SMAD3: variants seen among roughly 807,000 people sequenced by gnomAD.
SMAD3 encodes the protein SMAD family member 3, also known as MAD homolog 3.
SMAD3 carries 12 observed loss-of-function variants against 51.8 expected under a neutral mutation model. The observed-to-expected ratio is 0.23, with a 90% CI of 0.15 to 0.38. The LOEUF (loss-of-function observed/expected upper bound fraction) is 0.38, where lower values mean the gene tolerates loss of function less well. Ranked by LOEUF, SMAD3 falls within the 10% of genes least tolerant of loss-of-function variation. SMAD3 has a pLI of 1.00. For synonymous variants in SMAD3, 238 were observed against 227.7 expected (o/e 1.05, Z -0.41); for missense variants, 294 against 565.6 (o/e 0.52, Z 4.87).
At chr15:67,171,490 T>G (rs1962750958) in intron 5 of SMAD3, among the ~76,000 whole-genome samples, 1 of 152,234 alleles carries the variant, frequency 6.6e-6, no homozygotes, top group Non-Finnish European at 1.5e-5. Flanking sequence ...TATATTCTGG[T>G]CTGGTAGTTT....
chr15:67,075,226 G>A (rs769731086), intron 1 of SMAD3, among the ~76,000 whole-genome samples: 6 of 152,210 alleles, frequency 3.9e-5, no homozygotes, highest in Non-Finnish European at 7.3e-5. Flanking sequence ...GCAGGCACTG[G>A]TGATGGAAAT....
intron 1 of SMAD3, among the ~76,000 whole-genome samples, chr15:67,135,054 T>G (rs1436443145): frequency 6.6e-6 from 1 of 152,078 alleles, no homozygotes; most frequent in Admixed American, 6.5e-5. Context: ...CACTGGGGGC[T>G]TTGTCCTGGG....
chr15:67,162,776 C>G (rs570716016), intron 1 of SMAD3, among the ~76,000 whole-genome samples: 11 of 152,108 alleles, frequency 7.2e-5, no homozygotes, highest in African/African-American at 2.6e-4. Flanking sequence ...TCCCGCACCC[C>G]TTTGCCTGGT....
intron 1 of SMAD3, among the ~76,000 whole-genome samples, chr15:67,124,602 C>G (rs1961341887): frequency 6.6e-6 from 1 of 152,208 alleles, no homozygotes; most frequent in Non-Finnish European, 1.5e-5. Context: ...AGCAGAATGC[C>G]TCATTACCAC....
At chr15:67,116,756 C>A (rs1292701726) in intron 1 of SMAD3, among the ~76,000 whole-genome samples, 1 of 152,126 alleles carries the variant, frequency 6.6e-6, no homozygotes, top group East Asian at 1.9e-4. Flanking sequence ...GGGAGCAAGA[C>A]CCTTGGTGAT....
chr15:67,145,416 G>A (rs1460330937), intron 1 of SMAD3, among the ~76,000 whole-genome samples: 1 of 152,170 alleles, frequency 6.6e-6, no homozygotes, highest in Non-Finnish European at 1.5e-5. Flanking sequence ...CTGTGCTCAA[G>A]GATGCTGTGC....
chr15:67,098,451 C>T (rs2140221331), intron 1 of SMAD3: 1 of 208,650 alleles, frequency 4.8e-6, no homozygotes, highest in Non-Finnish European at 9.8e-6. Flanking sequence ...AAGGGTGCAG[C>T]CCAGCTTGTG....
intron 1 of SMAD3, among the ~76,000 whole-genome samples, chr15:67,101,234 C>T (rs1370421323): frequency 2.0e-5 from 3 of 152,198 alleles, no homozygotes; most frequent in African/African-American, 7.2e-5. Flanking sequence ...ACTGCTTCTT[C>T]TTTTCTTCTC....
At chr15:67,066,597 C>G (rs766511273) in intron 1 of SMAD3, among the ~76,000 whole-genome samples, 1 of 152,234 alleles carries the variant, frequency 6.6e-6, no homozygotes, top group Non-Finnish European at 1.5e-5. Flanking sequence ...GGCACTCTGG[C>G]TTCCACACCT....
intron 1 of SMAD3, among the ~76,000 whole-genome samples, chr15:67,161,691 C>CA (rs1454627211): frequency 1.3e-5 from 2 of 152,168 alleles, no homozygotes; most frequent in Non-Finnish European, 2.9e-5. Context: ...CCTACTTATC[C>CA]AGGGCTGGGT....
chr15:67,104,766 C>T (rs967268482), intron 1 of SMAD3, among the ~76,000 whole-genome samples: 4 of 152,272 alleles, frequency 2.6e-5, no homozygotes, highest in Non-Finnish European at 5.9e-5. Context: ...TGCCCACCCT[C>T]TTCTCTTGAC....
rs763293444 is a variant in SMAD3 at position 67,194,758 on chromosome 15, C to A, written c.*4222C>A. 1 of 232,424 alleles carries A rather than the reference C, an allele frequency of 4.3e-6. No homozygotes were observed. 14.4% of individuals were successfully genotyped at this position (232,424 alleles called of 1,614,324 possible). A position where few individuals can be genotyped will look rare whatever the true frequency, so the allele number is the denominator to read the frequency against. On this transcript the variant is annotated 3_prime_UTR_variant, in exon 9 of 9. Transcript: ENST00000327367. ...CTAAACAAGTGGCCGCGTGTAAAAA[C>A]AGACAGCTCTGAGTCAAATCTGGGC...
At position 67,190,885 on chromosome 15, in the gene SMAD3, A is replaced by AC. The variant is rs1963345575; in HGVS notation, c.*351dup. 2.4e-6 allele frequency: 1 copy of AC among 408,318 alleles called. No individual in the cohort carries two copies. The highest frequency in any genetic ancestry group is 2.0e-5 in the African/African-American group (1 of 50,818). The allele number at this position is 408,318 out of a possible 1,614,324, so 25.3% of individuals were successfully genotyped here. On this transcript the variant is annotated 3_prime_UTR_variant, in exon 9 of 9. Transcript: ENST00000327367. ...CAGCTTTCTGGGATGTCACAGTCCA[A>AC]CCAGAAACACCCCTCTGTCTAGGAC...
At chr15:67,172,505 G>T (rs1363906215) in intron 5 of SMAD3, among the ~76,000 whole-genome samples, 2 of 152,212 alleles carry the variant, frequency 1.3e-5, no homozygotes, top group Non-Finnish European at 2.9e-5. Context: ...AGGTCACCTG[G>T]ACTCCCAGTG....
chr15:67,085,522 C>T (rs1381503967), intron 1 of SMAD3, among the ~76,000 whole-genome samples: 1 of 152,134 alleles, frequency 6.6e-6, no homozygotes, highest in East Asian at 1.9e-4. Flanking sequence ...TGGGGGCCTG[C>T]AGTTGAGGAC....
At chr15:67,175,824 C>T (rs1962876655) in intron 5 of SMAD3, among the ~76,000 whole-genome samples, 1 of 152,224 alleles carries the variant, frequency 6.6e-6, no homozygotes, top group Admixed American at 6.5e-5. Flanking sequence ...GAGGCCCAAC[C>T]CAGTTCCAGG....
chr15:67,153,179 G>A (rs1962191216), intron 1 of SMAD3, among the ~76,000 whole-genome samples: 1 of 152,102 alleles, frequency 6.6e-6, no homozygotes, highest in Non-Finnish European at 1.5e-5. Context: ...CTGGGTAAAC[G>A]CTTGCTCTGA....
chr15:67,160,402 A>G (rs1046397315), intron 1 of SMAD3, among the ~76,000 whole-genome samples: 2 of 152,202 alleles, frequency 1.3e-5, no homozygotes, highest in African/African-American at 4.8e-5. Flanking sequence ...AACATTGTCA[A>G]GCATCTTTTC....
chr15:67,169,133 T>C (rs1962674174), intron 4 of SMAD3, among the ~76,000 whole-genome samples: 1 of 152,244 alleles, frequency 6.6e-6, no homozygotes, highest in African/African-American at 2.4e-5. Context: ...GATGATATTA[T>C]CCTCATTTTA....
Sources: gnomAD v4.1 joint callset for allele counts (sites outside exome capture counted in the v4.1 genomes callset) on GRCh38, gnomAD v4.1.1 for gene constraint, MANE v1.5 for transcripts, NCBI Gene and HGNC (gene_info 2026-07-23, HGNC 2026-07-21) for gene names.